Variants in FBXL7 observed in about 807,000 individuals in gnomAD.
FBXL7 encodes the protein F-box/LRR-repeat protein 7.
In FBXL7, 12 loss-of-function variants were observed where a neutral mutation model predicts 38.3. That is an observed-to-expected ratio of 0.31 (90% confidence interval 0.20 to 0.51). The LOEUF is 0.51. Among genes scored for constraint, FBXL7 ranks in the 20% least tolerant of loss-of-function variants. The pLI is 0.98. For synonymous variants in FBXL7, 297 were observed against 300.9 expected (o/e 0.99, Z 0.13); for missense variants, 567 against 676.4 (o/e 0.84, Z 1.79).
chr5:15,613,159 T>C (rs1740310889), intron 1 of FBXL7, among the ~76,000 whole-genome samples: 1 of 152,146 alleles, frequency 6.6e-6, no homozygotes, highest in African/African-American at 2.4e-5. Context: ...GTGGTTTGGA[T>C]TACTGAGGTT....
At position 15,797,330 on chromosome 5, in the gene FBXL7, G is replaced by T. The variant is rs531777243; in HGVS notation, c.128-130560G>T. Among the ~76,000 whole-genome samples the T allele has an allele frequency of 5.3e-5, 8 of 152,316 alleles. No individual in the cohort carries two copies. In the East Asian group the frequency reaches 9.6e-4, roughly 18 times the overall value. ...TAATGTAGGACCCTCCCAGAGGAAC[G>T]TGATATGTGGTCTCTCTATATAAAC... On this transcript the variant is annotated intron_variant, in intron 2 of 3. Coordinates refer to ENST00000504595, the MANE Select transcript of FBXL7 (RefSeq NM_012304.5).
chr5:15,914,401 A>AG (rs1033902612), intron 2 of FBXL7, among the ~76,000 whole-genome samples: 13 of 151,752 alleles, frequency 8.6e-5, no homozygotes, highest in Admixed American at 2.0e-4. Flanking sequence ...AAAAAAAAAA[A>AG]AAAAGGAATG....
At chr5:15,867,434 C>A (rs1181480439) in intron 2 of FBXL7, among the ~76,000 whole-genome samples, 1 of 152,160 alleles carries the variant, frequency 6.6e-6, no homozygotes, top group African/African-American at 2.4e-5. Context: ...TAACATCTAT[C>A]ACATAGACCT....
chr5:15,615,426 T>G (rs911713276), intron 1 of FBXL7, among the ~76,000 whole-genome samples: 1 of 152,188 alleles, frequency 6.6e-6, no homozygotes, highest in Non-Finnish European at 1.5e-5. Flanking sequence ...AATGTCCCCT[T>G]GAACAGAAAA....
In FBXL7 at chr5:15,927,922, C is replaced by A. The variant is rs767029657; in HGVS notation, c.160C>A (p.Pro54Thr). The change falls in exon 3 of 4, where the codon CCC becomes ACC. Residue 54 changes from proline to threonine, a missense_variant. Coordinates refer to ENST00000504595, the MANE Select transcript of FBXL7 (RefSeq NM_012304.5). ...CCTGAGCATGCGCACACTGAGCACG[C>A]CCAGCCCAGCCCTGATATGTCCACC... ...SDLSMRTLST[P>T]SPALICPPNL... is the part of the protein sequence containing the mutation. 1 of 1,541,092 alleles carries A rather than the reference C, an allele frequency of 6.5e-7. No homozygotes were observed. Among genetic ancestry groups the A allele is most frequent in the Non-Finnish European group, 8.7e-7 (1 of 1,143,408 alleles).
chr5:15,631,310 A>G (rs1437726893), intron 2 of FBXL7, among the ~76,000 whole-genome samples: 2 of 152,222 alleles, frequency 1.3e-5, no homozygotes, highest in Non-Finnish European at 2.9e-5. Context: ...TGATACATGT[A>G]CATGTGAGGA....
chr5:15,521,222 T>C (rs1232622619), intron 1 of FBXL7, among the ~76,000 whole-genome samples: 1 of 152,182 alleles, frequency 6.6e-6, no homozygotes, highest in Non-Finnish European at 1.5e-5. Flanking sequence ...AATTAGTAAA[T>C]ACAAAGTTAT....
chr5:15,538,404 C>T (rs1737646840), intron 1 of FBXL7, among the ~76,000 whole-genome samples: 1 of 152,056 alleles, frequency 6.6e-6, no homozygotes, highest in Admixed American at 6.5e-5. Flanking sequence ...TTCAATGGTT[C>T]GTTATTAGAA....
intron 2 of FBXL7, among the ~76,000 whole-genome samples, chr5:15,664,290 A>G (rs1742196006): frequency 6.6e-6 from 1 of 152,048 alleles, no homozygotes; most frequent in African/African-American, 2.4e-5. Flanking sequence ...GTGGTCGTGT[A>G]TTTTATTTCA....
At position 15,924,632 on chromosome 5, in the gene FBXL7, CTTTTTTT is replaced by C. The variant is rs34865383; in HGVS notation, c.128-3243_128-3237del. Among the ~76,000 whole-genome samples, 17 of 120,026 alleles carry C rather than the reference CTTTTTTT, an allele frequency of 1.4e-4. No individual in the cohort carries two copies. In the East Asian group the frequency reaches 2.2e-3, roughly 16 times the overall value. The allele number at this position is 120,026 out of a possible 152,430, so 78.7% of individuals were successfully genotyped here. ...TCTGCTTCACGGGTCTCTCATTATT[CTTTTTTT>C]TTTTTTTTTTTTTTGACAGAGTTTC... On this transcript the variant is annotated intron_variant, in intron 2 of 3. Coordinates refer to ENST00000504595, the MANE Select transcript of FBXL7 (RefSeq NM_012304.5).
chr5:15,620,222 CTTTTTTTCTTTTTT>C (rs1740582681), intron 2 of FBXL7, among the ~76,000 whole-genome samples: 1 of 146,248 alleles, frequency 6.8e-6, no homozygotes, highest in Admixed American at 6.8e-5. Flanking sequence ...ACAAACTATT[CTTTTTTTCTTTTTT>C]TTTTTTTTTT....
At chr5:15,629,699 A>G (rs1465556048) in intron 2 of FBXL7, among the ~76,000 whole-genome samples, 1 of 152,060 alleles carries the variant, frequency 6.6e-6, no homozygotes, top group African/African-American at 2.4e-5. Flanking sequence ...TGAGGTAGGA[A>G]TTGTGTTTTT....
chr5:15,616,030 C>G lies in FBXL7; in HGVS notation c.85C>G (p.His29Asp). ...ISSDVSSSTD[H>D]TPTKAQKNVA... is the part of the protein sequence containing the mutation. ...ATCTGACGTGAGTTCAAGTACAGATCACACGCCCACTAAAGCCCAGAAGAA... is the reference window on the plus strand; with the variant it reads ...ATCTGACGTGAGTTCAAGTACAGATGACACGCCCACTAAAGCCCAGAAGAA... Residue 29 changes from histidine to aspartate, a missense_variant, in exon 2 of 4, where the codon CAC becomes GAC. Coordinates refer to ENST00000504595, the MANE Select transcript of FBXL7 (RefSeq NM_012304.5). The G allele has an allele frequency of 6.2e-7, 1 of 1,613,488 alleles. No individual in the cohort carries two copies. Among genetic ancestry groups the G allele is most frequent in the Non-Finnish European group, 8.5e-7 (1 of 1,179,610 alleles).
chr5:15,706,781 A>G (rs1743692002), intron 2 of FBXL7, among the ~76,000 whole-genome samples: 1 of 152,164 alleles, frequency 6.6e-6, no homozygotes, highest in Non-Finnish European at 1.5e-5. Context: ...GGTGGATAGT[A>G]CTGCTTTTTA....
chr5:15,600,136 G>A lies in FBXL7; in HGVS notation c.38-15847G>A, dbSNP rs572167549. 7.2e-5 allele frequency among the ~76,000 whole-genome samples: 11 copies of A among 152,324 alleles called. No homozygotes were observed. The East Asian group carries it at 2.1e-3, about 29-fold the overall frequency. ...GGATTATCCAAGGGTGGTGTTTTCAGCCATCTGTTGTCAAAAGGTGAAGCA... is the reference window on the plus strand; with the variant it reads ...GGATTATCCAAGGGTGGTGTTTTCAACCATCTGTTGTCAAAAGGTGAAGCA... On this transcript the variant is annotated intron_variant, in intron 1 of 3. Transcript: ENST00000504595.
intron 2 of FBXL7, among the ~76,000 whole-genome samples, chr5:15,753,093 C>T (rs1048082065): frequency 6.6e-6 from 1 of 152,146 alleles, no homozygotes; most frequent in African/African-American, 2.4e-5. Flanking sequence ...ATTATAACTC[C>T]TCTTGCAGGG....
chr5:15,911,512 T>C (rs537043236), intron 2 of FBXL7, among the ~76,000 whole-genome samples: 1,973 of 135,606 alleles, frequency 0.015, 182 homozygotes, highest in Admixed American at 0.12. Context: ...TCTGAAGCCT[T>C]CTTCTCTCAG....
chr5:15,764,836 A>AACT (rs1736544618), intron 2 of FBXL7, among the ~76,000 whole-genome samples: 1 of 152,262 alleles, frequency 6.6e-6, no homozygotes, highest in African/African-American at 2.4e-5. Context: ...CCTTACCATA[A>AACT]TCTAGAGCAG....
intron 2 of FBXL7, among the ~76,000 whole-genome samples, chr5:15,886,690 C>G (rs1740691951): frequency 6.6e-6 from 1 of 152,168 alleles, no homozygotes; most frequent in Non-Finnish European, 1.5e-5. Flanking sequence ...TTCCACTTCC[C>G]TTAACTAGCA....
Sources: allele counts gnomAD v4.1 joint callset (sites outside exome capture counted in the v4.1 genomes callset), GRCh38; gene constraint gnomAD v4.1.1; transcripts MANE v1.5; gene names NCBI Gene and HGNC (gene_info 2026-07-23, HGNC 2026-07-21).